FAM200B: variants seen among roughly 807,000 people sequenced by gnomAD.
FAM200B encodes zinc finger BED-type containing 11, also known as protein FAM200B.
In FAM200B, 32 loss-of-function variants were observed where a neutral mutation model predicts 33.1. The ratio of observed to expected loss-of-function variants is 0.97; its 90% CI spans 0.73 to 1.30. The LOEUF (loss-of-function observed/expected upper bound fraction) is 1.30, where lower values mean the gene tolerates loss of function less well. Ranked by LOEUF, FAM200B falls within the 50% of genes most tolerant of loss-of-function variation. The probability of loss-of-function intolerance (pLI) is 0.00; values close to 1 mark genes in which losing one functional copy is unlikely to be tolerated. For missense variants in FAM200B, 741 were observed against 754.0 expected (o/e 0.98, Z 0.20); for synonymous variants, 240 against 264.8 (o/e 0.91, Z 0.91).
chr4:15,651,760 C>A, the FAM200B span, among the ~76,000 whole-genome samples: 1 of 152,018 alleles, frequency 6.6e-6, no homozygotes, highest in African/African-American at 2.4e-5. Flanking sequence ...ACTTTTAATA[C>A]CCTTACCTGA....
At chr4:15,644,434 A>G in the FAM200B span, 8 of 1,388,870 alleles carry the variant, frequency 5.8e-6, no homozygotes, top group African/African-American at 4.3e-5. Context: ...AGTTTTGCCA[A>G]TGATATACCA....
At chr4:15,655,422 C>A in the FAM200B span, 40 of 996,308 alleles carry the variant, frequency 4.0e-5, no homozygotes, top group South Asian at 1.4e-3. Context: ...TCGGCTTGGC[C>A]GGCGGGGACG....
At chr4:15,680,476 G>A (rs747879834), upstream of FAM200B, among the ~76,000 whole-genome samples, 26 of 152,116 alleles carry the variant, frequency 1.7e-4, no homozygotes, top group Non-Finnish European at 3.1e-4. Context: ...TTCGAGACCA[G>A]CCTGGCCAAA....
the FAM200B span, among the ~76,000 whole-genome samples, chr4:15,647,852 G>C: frequency 6.6e-6 from 1 of 152,104 alleles, no homozygotes; most frequent in Admixed American, 6.5e-5. Flanking sequence ...ACTTCACAGA[G>C]TTCTTGTGAG....
intron 1 of FAM200B, chr4:15,684,631 G>A (rs1250900972): frequency 6.6e-6 from 1 of 152,188 alleles, no homozygotes; most frequent in African/African-American, 2.4e-5. Context: ...TGTTTATCTG[G>A]CTTAGACTGC....
At chr4:15,656,031 C>A in the FAM200B span, among the ~76,000 whole-genome samples, 1 of 152,166 alleles carries the variant, frequency 6.6e-6, no homozygotes, top group Non-Finnish European at 1.5e-5. Context: ...TCGGGAGACT[C>A]AACGTGGGGG....
rs765481474 is a variant in FAM200B, at chr4:15,687,557, A to T, written c.580A>T (p.Ile194Leu). Residue 194 changes from isoleucine to leucine, a missense_variant, in exon 2 of 2, where the codon ATA (isoleucine) becomes TTA (leucine). By Grantham distance (5) the Ile-to-Leu change is conservative. Coordinates refer to ENST00000422728, the MANE Select transcript of FAM200B (RefSeq NM_001145191.2). ...TAAATCAGCTGATAAATTAAAAACTATACCTAATGATAACACAGTATCTCT... is the reference window on the plus strand; with the variant it reads ...TAAATCAGCTGATAAATTAAAAACTTTACCTAATGATAACACAGTATCTCT... ...DDKSADKLKT[I>L]PNDNTVSLRI... 3.9e-5 allele frequency: 60 copies of T among 1,550,024 alleles called. No individual in the cohort carries two copies. The highest frequency in any genetic ancestry group is 1.7e-4 in the Middle Eastern group (1 of 5,984).
At chr4:15,655,406 G>A in the FAM200B span, 10 of 1,016,876 alleles carry the variant, frequency 9.8e-6, no homozygotes, top group Non-Finnish European at 1.2e-5. Flanking sequence ...CGGCGCGCGC[G>A]CCCGGTCGGC....
chr4:15,648,295 G>A, the FAM200B span, among the ~76,000 whole-genome samples: 2 of 152,016 alleles, frequency 1.3e-5, no homozygotes, highest in African/African-American at 4.8e-5. Flanking sequence ...GAAAGGAATT[G>A]GTACAGCCAT....
the FAM200B span, chr4:15,655,415 G>T: frequency 8.1e-5 from 81 of 1,003,998 alleles, no homozygotes; most frequent in Middle Eastern, 2.5e-3. Context: ...CGCCCGGTCG[G>T]CTTGGCCGGC....
the FAM200B span, among the ~76,000 whole-genome samples, chr4:15,648,644 C>A: frequency 6.6e-5 from 10 of 152,032 alleles, no homozygotes; most frequent in Non-Finnish European, 1.5e-4. Flanking sequence ...TATGATCTCA[C>A]TATATATGGA....
In FAM200B at chr4:15,687,947, A is replaced by T. The variant is rs1239685252; in HGVS notation, c.970A>T (p.Asn324Tyr). ...AGTTACTAATAATGGTGCTGTGTGG[A>T]ATCATTGTTTTATACATCGTGAAGG... ...LEVTNNGAVW[N>Y]HCFIHREGLA... Residue 324 changes from asparagine to tyrosine, a missense_variant, in exon 2 of 2, where the codon AAT (asparagine) becomes TAT (tyrosine). Coordinates refer to ENST00000422728, the MANE Select transcript of FAM200B (RefSeq NM_001145191.2). The T allele has an allele frequency of 1.3e-6, 2 of 1,551,196 alleles. No homozygotes were observed. Among genetic ancestry groups the T allele is most frequent in the Admixed American group, 2.0e-5 (1 of 51,000 alleles).
chr4:15,639,840 T>C, the FAM200B span, among the ~76,000 whole-genome samples: 1 of 152,224 alleles, frequency 6.6e-6, no homozygotes, highest in African/African-American at 2.4e-5. Flanking sequence ...ATCAATTTGA[T>C]TATAAGGTGA....
chr4:15,637,543 T>G, the FAM200B span, among the ~76,000 whole-genome samples: 1 of 152,160 alleles, frequency 6.6e-6, no homozygotes, highest in African/African-American at 2.4e-5. Flanking sequence ...GCCAAATATT[T>G]TAAATATAAT....
chr4:15,649,195 C>T, the FAM200B span, among the ~76,000 whole-genome samples: 1 of 151,942 alleles, frequency 6.6e-6, no homozygotes, highest in Non-Finnish European at 1.5e-5. Context: ...GAGAAAAGTC[C>T]TTAAAGATAC....
chr4:15,665,965 C>A, the FAM200B span, among the ~76,000 whole-genome samples: 2 of 152,030 alleles, frequency 1.3e-5, no homozygotes, highest in African/African-American at 4.8e-5. Context: ...GAATCACTTC[C>A]TTGAGGCCAA....
At chr4:15,647,547 CA>C in the FAM200B span, among the ~76,000 whole-genome samples, 5 of 152,126 alleles carry the variant, frequency 3.3e-5, no homozygotes, top group Non-Finnish European at 7.3e-5. Context: ...AAAAGACATA[CA>C]GGGAATTTTG....
At chr4:15,641,761 T>C in the FAM200B span, 1 of 358,464 alleles carries the variant, frequency 2.8e-6, no homozygotes, top group Non-Finnish European at 5.4e-6. Flanking sequence ...GCACGGTGGC[T>C]CATGCCTGTA....
the FAM200B span, among the ~76,000 whole-genome samples, chr4:15,662,933 A>G: frequency 2.6e-5 from 4 of 152,238 alleles, no homozygotes; most frequent in Non-Finnish European, 5.9e-5. Context: ...CTGTCACTGA[A>G]TAACTGACCC....
Sources: allele counts gnomAD v4.1 joint callset (sites outside exome capture counted in the v4.1 genomes callset), GRCh38; gene constraint gnomAD v4.1.1; transcripts MANE v1.5; gene names NCBI Gene and HGNC (gene_info 2026-07-23, HGNC 2026-07-21).